Variants in CCDC91 observed in about 807,000 individuals in gnomAD.
CCDC91 encodes the protein coiled-coil domain containing 91.
Under a neutral mutation model 63.2 loss-of-function variants are expected in CCDC91, and 48 were observed. The ratio of observed to expected loss-of-function variants is 0.76; its 90% CI spans 0.60 to 0.97. CCDC91 has a LOEUF of 0.97. CCDC91 is among the 50% of genes least tolerant of loss of function. CCDC91 has a pLI of 0.00. For missense variants in CCDC91, 500 were observed against 494.6 expected, an observed-to-expected ratio of 1.01 and a Z score of -0.10; for synonymous variants, 167 against 165.8, an observed-to-expected ratio of 1.01 and a Z score of -0.06.
intron 8 of CCDC91, among the ~76,000 whole-genome samples, chr12:28,415,055 A>G (rs1947555165): frequency 6.6e-6 from 1 of 152,182 alleles, no homozygotes; most frequent in Admixed American, 6.6e-5. Context: ...AGGGTTTTAA[A>G]TATAATTAGC....
intron 3 of CCDC91, among the ~76,000 whole-genome samples, chr12:28,259,950 G>A (rs1468177683): frequency 6.6e-6 from 1 of 151,958 alleles, no homozygotes; most frequent in Non-Finnish European, 1.5e-5. Context: ...TATGTCAAAA[G>A]AATATTTTGA....
At chr12:28,257,857 C>T (rs1946549969) in intron 2 of CCDC91, among the ~76,000 whole-genome samples, 1 of 150,958 alleles carries the variant, frequency 6.6e-6, no homozygotes, top group Non-Finnish European at 1.5e-5. Flanking sequence ...TATAGTCTTG[C>T]AGGAAAATCT....
chr12:28,355,717 TCACTGTA>T (rs1943480182), intron 6 of CCDC91, among the ~76,000 whole-genome samples: 1 of 152,168 alleles, frequency 6.6e-6, no homozygotes, highest in South Asian at 2.1e-4. Flanking sequence ...CATACCTTCC[TCACTGTA>T]TCTGTTAGGA....
chr12:28,478,676 A>G (rs181815717), intron 11 of CCDC91, among the ~76,000 whole-genome samples: 3 of 152,288 alleles, frequency 2.0e-5, no homozygotes, highest in Admixed American at 2.0e-4. Flanking sequence ...TGAACAGGCA[A>G]CCTACAGAAT....
intron 12 of CCDC91, among the ~76,000 whole-genome samples, chr12:28,529,616 A>G (rs938546193): frequency 5.3e-5 from 8 of 152,196 alleles, no homozygotes; most frequent in African/African-American, 1.9e-4. Flanking sequence ...TAATTGCCGA[A>G]GAAGCGCTTT....
chr12:28,521,885 G>T (rs1258591592), intron 12 of CCDC91, among the ~76,000 whole-genome samples: 2 of 152,138 alleles, frequency 1.3e-5, no homozygotes, highest in Non-Finnish European at 2.9e-5. Flanking sequence ...TTATTGATTT[G>T]TGTATGGCAA....
chr12:28,548,386 C>T (rs1943126722), intron 12 of CCDC91, among the ~76,000 whole-genome samples: 1 of 152,098 alleles, frequency 6.6e-6, no homozygotes, highest in African/African-American at 2.4e-5. Context: ...TCTTTTGCCT[C>T]AACCTCCTAA....
chr12:28,251,560 A>C (rs1016148248), intron 1 of CCDC91, among the ~76,000 whole-genome samples: 1 of 151,980 alleles, frequency 6.6e-6, no homozygotes, highest in African/African-American at 2.4e-5. Flanking sequence ...TTTTGTGCTC[A>C]TAGTTTAAAA....
intron 1 of CCDC91, among the ~76,000 whole-genome samples, chr12:28,237,330 TGTAA>T (rs1467018196): frequency 6.6e-6 from 1 of 151,930 alleles, no homozygotes; most frequent in Non-Finnish European, 1.5e-5. Context: ...CTTAGGAACC[TGTAA>T]GTGTTACCTT....
chr12:28,489,297 C>A (rs1951877992), intron 12 of CCDC91, among the ~76,000 whole-genome samples: 1 of 151,792 alleles, frequency 6.6e-6, no homozygotes, highest in African/African-American at 2.4e-5. Flanking sequence ...CATATCTGAT[C>A]ATTAGTGCCA....
chr12:28,346,367 A>C (rs1942809271), intron 6 of CCDC91, among the ~76,000 whole-genome samples: 1 of 152,152 alleles, frequency 6.6e-6, no homozygotes, highest in African/African-American at 2.4e-5. Flanking sequence ...GACTCTTGGA[A>C]ATTTCCCTTC....
At chr12:28,500,478 T>C (rs1937682860) in intron 12 of CCDC91, among the ~76,000 whole-genome samples, 1 of 151,974 alleles carries the variant, frequency 6.6e-6, no homozygotes, top group Admixed American at 6.6e-5. Flanking sequence ...CATTTTTCAT[T>C]GAGGATCCTG....
chr12:28,331,273 G>T (rs1276387946), intron 6 of CCDC91, among the ~76,000 whole-genome samples: 3 of 152,158 alleles, frequency 2.0e-5, no homozygotes, highest in African/African-American at 7.2e-5. Flanking sequence ...CGCCATGCTT[G>T]TGGTTTTTGA....
intron 6 of CCDC91, among the ~76,000 whole-genome samples, chr12:28,331,588 C>G (rs1941517040): frequency 6.6e-6 from 1 of 152,050 alleles, no homozygotes; most frequent in South Asian, 2.1e-4. Flanking sequence ...GACTATGTTT[C>G]AAAAAATTAC....
intron 12 of CCDC91, among the ~76,000 whole-genome samples, chr12:28,489,408 C>T (rs913223320): frequency 6.6e-5 from 10 of 151,722 alleles, no homozygotes; most frequent in African/African-American, 2.2e-4. Flanking sequence ...TTATAATGAC[C>T]GACAGCCCTT....
At chr12:28,543,403 C>G (rs547388720) in intron 12 of CCDC91, among the ~76,000 whole-genome samples, 1 of 152,004 alleles carries the variant, frequency 6.6e-6, no homozygotes, top group South Asian at 2.1e-4. Context: ...TGTTTTTGTT[C>G]TGTTTTGTTT....
chr12:28,497,876 A>C (rs1339009888), intron 12 of CCDC91, among the ~76,000 whole-genome samples: 1 of 151,650 alleles, frequency 6.6e-6, no homozygotes, highest in Non-Finnish European at 1.5e-5. Context: ...TTTAAGCTTT[A>C]GTGTGACTAT....
chr12:28,190,981 T>C (rs1364689606), intron 1 of CCDC91, among the ~76,000 whole-genome samples: 2 of 152,258 alleles, frequency 1.3e-5, no homozygotes, highest in Non-Finnish European at 2.9e-5. Flanking sequence ...AACGGAGACC[T>C]TGATTCTTGC....
intron 11 of CCDC91, among the ~76,000 whole-genome samples, chr12:28,480,160 A>G (rs1951366938): frequency 6.6e-6 from 1 of 152,036 alleles, no homozygotes; most frequent in Admixed American, 6.6e-5. Flanking sequence ...CCAATGTCAT[A>G]TAAACTATTA....
Sources: allele counts gnomAD v4.1 joint callset (sites outside exome capture counted in the v4.1 genomes callset), GRCh38; gene constraint gnomAD v4.1.1; transcripts MANE v1.5; gene names NCBI Gene and HGNC (gene_info 2026-07-23, HGNC 2026-07-21).